Variants in SLC2A9 observed in about 807,000 individuals in gnomAD.
SLC2A9 encodes solute carrier family 2 member 9.
A neutral mutation model predicts 50.6 loss-of-function variants in SLC2A9; 39 were observed. The ratio of observed to expected loss-of-function variants is 0.77; its 90% CI spans 0.60 to 1.01. The LOEUF (loss-of-function observed/expected upper bound fraction) is 1.01. SLC2A9 is among the 50% of genes least tolerant of loss of function. The pLI, the probability that SLC2A9 is intolerant of heterozygous loss-of-function variation, is 0.00. For missense variants in SLC2A9, 686 were observed against 677.6 expected, an observed-to-expected ratio of 1.01 and a Z score of -0.14; for synonymous variants, 324 against 276.9, an observed-to-expected ratio of 1.17 and a Z score of -1.69.
At chr4:9,920,649 C>T (rs1257821979) in intron 6 of SLC2A9, 77 bp from the exon 7 acceptor site, 22 of 1,557,978 alleles carry the variant, frequency 1.4e-5, no homozygotes, top group African/African-American at 4.1e-5. Flanking sequence ...CCTGCAGGGA[C>T]GGGTCCCACC....
At chr4:9,966,435 C>T (rs555946490) in intron 5 of SLC2A9, among the ~76,000 whole-genome samples, 13 of 152,284 alleles carry the variant, frequency 8.5e-5, no homozygotes, top group Non-Finnish European at 1.8e-4. Flanking sequence ...GTGGGTGGAT[C>T]ACCTGAGGTC....
At chr4:10,025,822 C>T (rs1763730634), upstream of SLC2A9, 2 of 1,365,162 alleles carry the variant, frequency 1.5e-6, no homozygotes, top group Admixed American at 1.7e-5. Flanking sequence ...AACAGCCTCC[C>T]ACTGACCCAG....
At chr4:9,904,101 CTT>C (rs1740177756) in intron 8 of SLC2A9, among the ~76,000 whole-genome samples, 1 of 151,948 alleles carries the variant, frequency 6.6e-6, no homozygotes, top group African/African-American at 2.4e-5. Flanking sequence ...CTTTCACACA[CTT>C]TGGATTTTGT....
intron 10 of SLC2A9, among the ~76,000 whole-genome samples, chr4:9,864,364 T>C (rs1438988882): frequency 6.6e-6 from 1 of 152,216 alleles, no homozygotes; most frequent in East Asian, 1.9e-4. Context: ...TGCCCAGAGC[T>C]GTAGAGCTGG....
chr4:9,782,731 C>T (rs199843999), intron 3 of SLC2A9: 2 of 1,614,050 alleles, frequency 1.2e-6, no homozygotes, highest in African/African-American at 2.7e-5. Flanking sequence ...TCATCAGCTT[C>T]TACATCCCCG....
At chr4:9,927,629 G>C (rs1745142754) in intron 6 of SLC2A9, among the ~76,000 whole-genome samples, 1 of 152,218 alleles carries the variant, frequency 6.6e-6, no homozygotes, top group African/African-American at 2.4e-5. Flanking sequence ...TGGAATTTAA[G>C]AGGAGGAAGT....
At chr4:10,026,352 C>T (rs1553916967), upstream of SLC2A9, among the ~76,000 whole-genome samples, 1 of 152,008 alleles carries the variant, frequency 6.6e-6, no homozygotes, top group Admixed American at 6.6e-5. Flanking sequence ...TTTTAAAAAT[C>T]AACTAAAAGT....
intron 1 of SLC2A9, among the ~76,000 whole-genome samples, chr4:10,026,810 G>A (rs1422371585): frequency 2.0e-5 from 3 of 152,180 alleles, no homozygotes; most frequent in Non-Finnish European, 4.4e-5. Flanking sequence ...TGGGGAGGCC[G>A]AGGCGGGTGG....
rs903778579 is a variant in SLC2A9, at chr4:9,931,687, G to C, written c.814+10226C>G. 2.0e-5 allele frequency among the ~76,000 whole-genome samples: 3 copies of C among 152,014 alleles called. No homozygotes were observed. The South Asian group carries it at 6.2e-4, about 31-fold the overall frequency. On this transcript the variant is annotated intron_variant, in intron 6 of 11. Coordinates refer to ENST00000264784, the MANE Select transcript of SLC2A9 (RefSeq NM_020041.3). Reference sequence around the variant, plus strand: ...CTCACAAGAAATCTCAGGGCTGAGAGGCTAAGGAGCCAAATTCAGCTCATT... The same window carrying C: ...CTCACAAGAAATCTCAGGGCTGAGACGCTAAGGAGCCAAATTCAGCTCATT...
chr4:9,807,167 G>A (rs1262436665), intron 3 of SLC2A9, among the ~76,000 whole-genome samples: 1 of 152,168 alleles, frequency 6.6e-6, no homozygotes, highest in Non-Finnish European at 1.5e-5. Context: ...TTCCACAAGG[G>A]ATCAACTTCA....
In SLC2A9 at chr4:10,038,429, C is replaced by T. The variant is rs1764174853; in HGVS notation, c.-41+1701G>A. 2.7e-5 allele frequency among the ~76,000 whole-genome samples: 4 copies of T among 149,380 alleles called. No homozygotes were observed. In the Admixed American group the frequency reaches 2.7e-4, roughly 10 times the overall value. On this transcript the variant is annotated intron_variant, in intron 1 of 12. Coordinates refer to the SLC2A9 transcript ENST00000309065. ...GGCTGAGGCAGGAGAATCACTTAAACCCAGGAGATGGAAGTTGCAGTGAGC... is the reference window on the plus strand; with the variant it reads ...GGCTGAGGCAGGAGAATCACTTAAATCCAGGAGATGGAAGTTGCAGTGAGC...
chr4:9,870,531 G>A (rs559662983), intron 10 of SLC2A9, among the ~76,000 whole-genome samples: 38 of 152,354 alleles, frequency 2.5e-4, no homozygotes, highest in African/African-American at 8.2e-4. Context: ...AGCAGCATTT[G>A]CTTGGACTGC....
At chr4:9,938,887 T>C (rs1400295981) in intron 6 of SLC2A9, among the ~76,000 whole-genome samples, 1 of 152,118 alleles carries the variant, frequency 6.6e-6, no homozygotes, top group African/African-American at 2.4e-5. Context: ...GGCCTGGGAC[T>C]CATTCCCTGC....
intron 8 of SLC2A9, among the ~76,000 whole-genome samples, chr4:9,908,017 G>A (rs1741000320): frequency 6.6e-6 from 1 of 152,144 alleles, no homozygotes; most frequent in African/African-American, 2.4e-5. Flanking sequence ...CCCACTTTGA[G>A]GTTTTGGGTC....
intron 5 of SLC2A9, among the ~76,000 whole-genome samples, chr4:9,957,466 T>C (rs1453518021): frequency 6.6e-6 from 1 of 152,116 alleles, no homozygotes; most frequent in Non-Finnish European, 1.5e-5. Context: ...TTTGAAAAAG[T>C]GTCTAACACA....
Position 9,991,342 on chromosome 4 carries a change from C to T in SLC2A9, c.410+5439G>A, listed in dbSNP as rs151191777. Among the ~76,000 whole-genome samples, 354 of 152,312 alleles carry T rather than the reference C, an allele frequency of 2.3e-3. 1 individual carries two copies. The highest frequency in any genetic ancestry group is 8.1e-3 in the African/African-American group (335 of 41,574). On this transcript the variant is annotated intron_variant, in intron 3 of 11. Coordinates refer to ENST00000264784, the MANE Select transcript of SLC2A9 (RefSeq NM_020041.3). ...CTGAAAGAAGAGGTTGTCAGCAGCA[C>T]GGTGTGTTGCTCAGTCATGGACTAA...
At chr4:9,810,890 C>T (rs60642521) in intron 3 of SLC2A9, among the ~76,000 whole-genome samples, 2,385 of 152,312 alleles carry the variant, frequency 0.016, 68 homozygotes, top group African/African-American at 0.054. Flanking sequence ...AGGCTCTCAC[C>T]GCTGATCATC....
chr4:10,021,774 G>C (rs764679265), upstream of SLC2A9, among the ~76,000 whole-genome samples: 5 of 151,602 alleles, frequency 3.3e-5, no homozygotes, highest in Admixed American at 6.6e-5. Flanking sequence ...CTAATGCTTG[G>C]AACAGAATGG....
chr4:9,869,886 G>C (rs184948594), intron 10 of SLC2A9, among the ~76,000 whole-genome samples: 1 of 152,348 alleles, frequency 6.6e-6, no homozygotes, highest in East Asian at 1.9e-4. Flanking sequence ...CCTCATCCTG[G>C]AGTGTGCAAA....
Sources: allele counts gnomAD v4.1 joint callset (sites outside exome capture counted in the v4.1 genomes callset), GRCh38; gene constraint gnomAD v4.1.1; transcripts MANE v1.5; gene names NCBI Gene and HGNC (gene_info 2026-07-23, HGNC 2026-07-21).